LRRIQ1: variants seen among roughly 807,000 people sequenced by gnomAD.
LRRIQ1 encodes the protein leucine-rich repeat- and IQ domain-containing protein 1.
Under a neutral mutation model 211.9 loss-of-function variants are expected in LRRIQ1, and 210 were observed. The ratio of observed to expected loss-of-function variants is 0.99; its 90% CI spans 0.89 to 1.11. The LOEUF (loss-of-function observed/expected upper bound fraction) is 1.11. Among genes scored for constraint, LRRIQ1 ranks in the 50% most tolerant of loss-of-function variants. LRRIQ1 has a pLI of 0.00. For missense variants in LRRIQ1, 2,136 were observed against 1,939.5 expected, an observed-to-expected ratio of 1.10 and a Z score of -1.90; for synonymous variants, 699 against 650.1, an observed-to-expected ratio of 1.08 and a Z score of -1.14.
At chr12:85,178,212 G>A (rs565361883) in intron 24 of LRRIQ1, among the ~76,000 whole-genome samples, 1 of 151,636 alleles carries the variant, frequency 6.6e-6, no homozygotes, top group South Asian at 2.1e-4. Flanking sequence ...ATCTTCCATG[G>A]TGATCCCATA....
At chr12:85,099,125 A>G in intron 13 of LRRIQ1, 131 bp downstream of exon 13, 1 of 471,048 alleles carries the variant, frequency 2.1e-6, no homozygotes. Flanking sequence ...ATTAGTATAT[A>G]AATTATAAAA....
At chr12:85,205,427 C>T (rs1292533189) in intron 24 of LRRIQ1, among the ~76,000 whole-genome samples, 2 of 152,088 alleles carry the variant, frequency 1.3e-5, no homozygotes, top group Non-Finnish European at 2.9e-5. Context: ...AATATAGGCC[C>T]CCATTGTCTT....
intron 16 of LRRIQ1, among the ~76,000 whole-genome samples, chr12:85,123,040 G>A (rs1207234834): frequency 1.3e-5 from 2 of 151,932 alleles, no homozygotes; most frequent in Non-Finnish European, 2.9e-5. Flanking sequence ...TATGTTGAAT[G>A]CATAAGTGGT....
chr12:85,257,284 C>T (rs942089376), intron 1 of LRRIQ1, among the ~76,000 whole-genome samples: 42 of 117,162 alleles, frequency 3.6e-4, no homozygotes, highest in African/African-American at 1.3e-3. Context: ...ATAAGCGTCA[C>T]TTATGCCATT....
downstream of LRRIQ1, among the ~76,000 whole-genome samples, chr12:85,269,128 A>T (rs894597597): frequency 2.6e-5 from 4 of 151,996 alleles, no homozygotes; most frequent in Admixed American, 6.6e-5. Context: ...CAAGGACTGG[A>T]TTATTGGACA....
intron 6 of LRRIQ1, among the ~76,000 whole-genome samples, chr12:85,049,037 A>G (rs998235478): frequency 6.6e-6 from 1 of 152,208 alleles, no homozygotes; most frequent in African/African-American, 2.4e-5. Context: ...TTTGCAATTT[A>G]TCATATAATT....
chr12:85,075,242 T>C (rs1883509596), intron 11 of LRRIQ1, among the ~76,000 whole-genome samples: 1 of 151,592 alleles, frequency 6.6e-6, no homozygotes, highest in African/African-American at 2.4e-5. Flanking sequence ...AGGCCAGGAG[T>C]TCAAGACCAA....
intron 11 of LRRIQ1, among the ~76,000 whole-genome samples, chr12:85,076,990 G>T (rs1883734893): frequency 6.6e-6 from 1 of 152,100 alleles, no homozygotes; most frequent in South Asian, 2.1e-4. Flanking sequence ...TCCTGTTTCA[G>T]TATTACTCTT....
At chr12:85,126,123 G>C (rs1888357255) in intron 17 of LRRIQ1, among the ~76,000 whole-genome samples, 1 of 152,048 alleles carries the variant, frequency 6.6e-6, no homozygotes, top group African/African-American at 2.4e-5. Flanking sequence ...CCTACATTCA[G>C]GAAACCATAA....
chr12:85,124,729 AT>A, intron 17 of LRRIQ1: 1 of 477,868 alleles, frequency 2.1e-6, no homozygotes, highest in African/African-American at 2.0e-5. Context: ...TTAAATTCTC[AT>A]TTAATTTCTA....
intron 11 of LRRIQ1, among the ~76,000 whole-genome samples, chr12:85,097,370 C>T (rs1885969564): frequency 6.6e-6 from 1 of 152,006 alleles, no homozygotes; most frequent in Non-Finnish European, 1.5e-5. Context: ...CTTTTAAACT[C>T]ATCATTTACA....
At chr12:85,113,068 A>G (rs1287020427) in intron 15 of LRRIQ1, among the ~76,000 whole-genome samples, 3 of 152,122 alleles carry the variant, frequency 2.0e-5, no homozygotes, top group Non-Finnish European at 4.4e-5. Context: ...TTGGATGCAT[A>G]TGGTCAATTC....
At position 85,173,001 on chromosome 12, in the gene LRRIQ1, C is replaced by T. The variant is rs12305772; in HGVS notation, c.4822+12287C>T. On this transcript the variant is annotated intron_variant, in intron 24 of 26. Transcript: ENST00000393217. ...GTGCACACCTGTAGTCCCAGCTACT[C>T]GGGAGGCTGAGGTAGGAGAATCGCT... is the stretch of plus-strand genomic sequence containing the variant. Among the ~76,000 whole-genome samples the T allele has an allele frequency of 7.2e-3, 1,100 of 151,906 alleles. 18 individuals are homozygous for T. The highest frequency in any genetic ancestry group is 0.025 in the African/African-American group (1,031 of 41,470).
intron 24 of LRRIQ1, among the ~76,000 whole-genome samples, chr12:85,173,336 A>G (rs1480643391): frequency 1.3e-5 from 2 of 152,228 alleles, no homozygotes; most frequent in South Asian, 2.1e-4. Context: ...GCCCTAGGCC[A>G]TTCTTCTAAT....
intron 26 of LRRIQ1, among the ~76,000 whole-genome samples, chr12:85,239,037 T>C (rs1426608872): frequency 6.6e-6 from 1 of 152,118 alleles, no homozygotes; most frequent in Admixed American, 6.6e-5. Context: ...TATTTAAAAA[T>C]AAATGTTAAC....
chr12:85,242,841 T>A lies in LRRIQ1; in HGVS notation c.5017-1948T>A, dbSNP rs559870408. Among the ~76,000 whole-genome samples, 393 of 152,014 alleles carry A rather than the reference T, an allele frequency of 2.6e-3. 2 individuals are homozygous for A. The highest frequency in any genetic ancestry group is 9.0e-3 in the African/African-American group (376 of 41,548). ...CTTCTAAAGTTTATTTCCTATGTAA[T>A]TGACCAAATTAGTAACTGACACTAG... On this transcript the variant is annotated intron_variant, in intron 26 of 26. Transcript: ENST00000393217.
At chr12:85,168,836 A>G (rs893301334) in intron 24 of LRRIQ1, among the ~76,000 whole-genome samples, 6 of 152,192 alleles carry the variant, frequency 3.9e-5, no homozygotes, top group Non-Finnish European at 8.8e-5. Flanking sequence ...GATGGGGAAT[A>G]TGGTAAGACC....
At chr12:85,191,128 A>G (rs1278221574) in intron 24 of LRRIQ1, among the ~76,000 whole-genome samples, 2 of 151,962 alleles carry the variant, frequency 1.3e-5, no homozygotes, top group Non-Finnish European at 2.9e-5. Context: ...CTGGCTTTAA[A>G]CATCTCTTAG....
At chr12:85,250,886 TAATATATTTTA>T (rs1454830045) in intron 1 of LRRIQ1, among the ~76,000 whole-genome samples, 1 of 102,526 alleles carries the variant, frequency 9.8e-6, no homozygotes, top group Non-Finnish European at 1.8e-5. Context: ...ATATTATATA[TAATATATTTTA>T]TATATTATAT....
Sources: allele counts gnomAD v4.1 joint callset (sites outside exome capture counted in the v4.1 genomes callset), GRCh38; gene constraint gnomAD v4.1.1; transcripts MANE v1.5; gene names NCBI Gene and HGNC (gene_info 2026-07-23, HGNC 2026-07-21).